The following ZFAT variants were observed in gnomAD, a reference collection of about 807,000 sequenced individuals.
The protein encoded by ZFAT is zinc finger and AT-hook domain containing.
Under a neutral mutation model 117.7 loss-of-function variants are expected in ZFAT, and 64 were observed. The ratio of observed to expected loss-of-function variants is 0.54; its 90% CI spans 0.44 to 0.67. ZFAT has a LOEUF of 0.67. Ranked by LOEUF, ZFAT falls within the 30% of genes least tolerant of loss-of-function variation. The pLI is 0.00. For synonymous variants in ZFAT, 679 were observed against 615.0 expected, an observed-to-expected ratio of 1.10 and a Z score of -1.54; for missense variants, 1,433 against 1,584.5, an observed-to-expected ratio of 0.90 and a Z score of 1.62.
At chr8:134,521,849 C>A (rs1234710460) in intron 12 of ZFAT, among the ~76,000 whole-genome samples, 1 of 152,234 alleles carries the variant, frequency 6.6e-6, no homozygotes, top group Non-Finnish European at 1.5e-5. Flanking sequence ...GGCCGCCACC[C>A]TGAGCTGGGC....
rs540248542 is a variant in ZFAT at position 134,638,433 on chromosome 8, C to T, written c.197-721G>A. The stretch of plus-strand genomic sequence containing the variant: ...AAGAGGGGTGAGCGGGGGCCAGGCG[C>T]GGTGGCTCACGCCTGTAATCCCAGC... On this transcript the variant is annotated intron_variant, in intron 2 of 15. Transcript: ENST00000377838. Among the ~76,000 whole-genome samples the T allele has an allele frequency of 9.2e-5, 14 of 151,632 alleles. No homozygotes were observed. In the South Asian group the frequency reaches 1.9e-3, roughly 20 times the overall value.
chr8:134,497,909 G>T (rs1818605289), intron 15 of ZFAT, among the ~76,000 whole-genome samples: 1 of 139,896 alleles, frequency 7.1e-6, no homozygotes, highest in African/African-American at 2.7e-5. Flanking sequence ...GGTAGGGTTG[G>T]GGTGGAGCCG....
intron 1 of ZFAT, among the ~76,000 whole-genome samples, chr8:134,671,290 G>A (rs1435898631): frequency 6.6e-6 from 1 of 152,078 alleles, no homozygotes; most frequent in Non-Finnish European, 1.5e-5. Context: ...GCCTGGCAGA[G>A]ACACAACAAA....
At chr8:134,749,121 T>C in the ZFAT span, among the ~76,000 whole-genome samples, 1,425 of 152,330 alleles carry the variant, frequency 9.4e-3, 7 homozygotes, top group Middle Eastern at 0.017. Context: ...TGGCATCTTT[T>C]GAAGAATGGA....
intron 1 of ZFAT, among the ~76,000 whole-genome samples, chr8:134,678,099 G>T (rs1173654988): frequency 6.6e-6 from 1 of 152,168 alleles, no homozygotes; most frequent in Admixed American, 6.5e-5. Flanking sequence ...TCTGGCCAGG[G>T]CAATCAGGCA....
Position 134,602,027 on chromosome 8 carries a change from G to A in ZFAT, c.1692C>T (p.Ser564=), listed in dbSNP as rs1294580213. 1.2e-6 allele frequency: 2 copies of A among 1,612,096 alleles called. No homozygotes were observed. The highest frequency in any genetic ancestry group is 1.7e-6 in the Non-Finnish European group (2 of 1,179,668). The part of the protein sequence containing the change: ...EMPAPAVHLA[S]PQAESTALPP... ...GCAGGGCTGTGCTTTCGGCCTGCGG[G>A]GAGGCCAGGTGCACAGCTGGGGCAG... Residue 564 remains serine (S), a synonymous_variant, in exon 6 of 16, where the codon TCC becomes TCT. Coordinates refer to ENST00000377838, the MANE Select transcript of ZFAT (RefSeq NM_020863.4).
rs1202575397 is a variant in ZFAT at position 134,610,516 on chromosome 8, C to A, written c.588G>T (p.Lys196Asn). The A allele has an allele frequency of 1.2e-6, 2 of 1,614,172 alleles. No individual in the cohort carries two copies. Among genetic ancestry groups the A allele is most frequent in the Admixed American group, 3.3e-5 (2 of 60,020 alleles). ...TTAAAACCACACTTATGATGGGTTTCTTCGCCCCAGAAAGCTGTCTGGCCT... is the reference window on the plus strand; with the variant it reads ...TTAAAACCACACTTATGATGGGTTTATTCGCCCCAGAAAGCTGTCTGGCCT... ...GKEARQLSGA[K>N]KPIISVVLTA... Residue 196 changes from lysine to asparagine, a missense_variant, in exon 4 of 16, where the codon AAG becomes AAT. Coordinates refer to ENST00000377838, the MANE Select transcript of ZFAT (RefSeq NM_020863.4).
intron 7 of ZFAT, among the ~76,000 whole-genome samples, chr8:134,591,698 C>G (rs1011635051): frequency 6.6e-6 from 1 of 152,180 alleles, no homozygotes; most frequent in African/African-American, 2.4e-5. Flanking sequence ...GAAATTTGAA[C>G]ACAGAGCTGC....
intron 3 of ZFAT, among the ~76,000 whole-genome samples, chr8:134,614,525 C>CCGTTGG (rs1248047854): frequency 1.3e-5 from 2 of 152,190 alleles, no homozygotes; most frequent in Non-Finnish European, 2.9e-5. Context: ...GACTTTCCCA[C>CCGTTGG]ACTGCTTACA....
chr8:134,715,077 G>C (rs533961390), upstream of ZFAT, among the ~76,000 whole-genome samples: 21 of 152,344 alleles, frequency 1.4e-4, no homozygotes, highest in African/African-American at 4.6e-4. Context: ...CAGGAAATTA[G>C]AGTTGTTCTG....
At chr8:134,714,240 T>G (rs1814161837), upstream of ZFAT, among the ~76,000 whole-genome samples, 1 of 151,936 alleles carries the variant, frequency 6.6e-6, no homozygotes, top group Non-Finnish European at 1.5e-5. Context: ...ATAACCCTCT[T>G]TGGTTGCTGC....
rs540178483 is a variant in ZFAT at position 134,654,654 on chromosome 8, A to G, written c.196+2907T>C. 2.3e-3 allele frequency among the ~76,000 whole-genome samples: 355 copies of G among 152,356 alleles called. 1 individual carries two copies. The highest frequency in any genetic ancestry group is 8.2e-3 in the African/African-American group (342 of 41,594). ...TTTGAGGAGCCCTGCTTTGGGTGGC[A>G]AAAGCCACTGAAGTTTCTTGAGCAA... On this transcript the variant is annotated intron_variant, in intron 2 of 15. Transcript: ENST00000377838.
rs201617045 is a variant in ZFAT, at chr8:134,602,174, C to G, written c.1545G>C (p.Gln515His). The G allele has an allele frequency of 3.0e-5, 48 of 1,613,482 alleles. No individual in the cohort carries two copies. In the African/African-American group the frequency reaches 6.1e-4, roughly 21 times the overall value. The change falls in exon 6 of 16, where the codon CAG becomes CAC. Residue 515 changes from glutamine to histidine, a missense_variant. Physicochemically the swap from Gln to His is conservative, Grantham distance 24 (BLOSUM62 0). This residue lies in a region of ZFAT where 372 missense variants were observed against 355.6 expected (regional missense o/e 1.05). Coordinates refer to ENST00000377838, the MANE Select transcript of ZFAT (RefSeq NM_020863.4). ...CAAACTCCTCTTCCACCAGCTGTAG[C>G]TGGTCCCCCAGAGCTTCTTGCTGGA... is the stretch of plus-strand genomic sequence containing the variant. ...GDIQQEALGD[Q>H]LQLVEEEFAL...
intron 1 of ZFAT, among the ~76,000 whole-genome samples, chr8:134,705,368 T>G (rs557684653): frequency 3.0e-3 from 104 of 35,106 alleles, no homozygotes; most frequent in African/African-American, 8.1e-3. Context: ...GCCCAGCTGG[T>G]TTTTTTTTGT....
intron 15 of ZFAT, among the ~76,000 whole-genome samples, chr8:134,481,980 C>A (rs1220942997): frequency 6.6e-6 from 1 of 152,178 alleles, no homozygotes; most frequent in Non-Finnish European, 1.5e-5. Flanking sequence ...GGCAGAGTCC[C>A]ATTTTCACTC....
At chr8:134,480,743 C>T (rs1312284049) in intron 15 of ZFAT, among the ~76,000 whole-genome samples, 4 of 152,130 alleles carry the variant, frequency 2.6e-5, no homozygotes, top group South Asian at 2.1e-4. Context: ...ACGACATGTC[C>T]GGGTCCTTTC....
the ZFAT span, among the ~76,000 whole-genome samples, chr8:134,776,333 T>C: frequency 1.3e-5 from 2 of 152,194 alleles, no homozygotes; most frequent in Non-Finnish European, 2.9e-5. Flanking sequence ...AGACAGGGTC[T>C]TGCTCTGTCA....
chr8:134,821,116 T>G, the ZFAT span, among the ~76,000 whole-genome samples: 1 of 152,214 alleles, frequency 6.6e-6, no homozygotes, highest in Non-Finnish European at 1.5e-5. Flanking sequence ...GAAAACACCA[T>G]GAAAACTGTG....
chr8:134,553,209 C>G (rs1823313702), intron 11 of ZFAT, among the ~76,000 whole-genome samples: 1 of 152,122 alleles, frequency 6.6e-6, no homozygotes, highest in South Asian at 2.1e-4. Context: ...GGAGACATAC[C>G]TGGTAAAAGC....
Sources: allele counts gnomAD v4.1 joint callset (sites outside exome capture counted in the v4.1 genomes callset), GRCh38; gene constraint gnomAD v4.1.1; regional missense constraint gnomAD v4.1.1; transcripts MANE v1.5; gene names NCBI Gene and HGNC (gene_info 2026-07-23, HGNC 2026-07-21).